The following CFAP77 variants were observed in gnomAD, a reference collection of about 807,000 sequenced individuals.
The protein encoded by CFAP77 is cilia and flagella associated protein 77.
Under a neutral mutation model 31.1 loss-of-function variants are expected in CFAP77, and 25 were observed. That is an observed-to-expected ratio of 0.80 (90% confidence interval 0.59 to 1.12). The LOEUF is 1.12. Among genes scored for constraint, CFAP77 ranks in the 50% most tolerant of loss-of-function variants. The pLI is 0.00. For missense variants in CFAP77, 377 were observed against 397.3 expected (o/e 0.95, Z 0.44); for synonymous variants, 151 against 159.9 (o/e 0.94, Z 0.42).
At chr9:132,435,959 G>T (rs1162631713) in intron 1 of CFAP77, among the ~76,000 whole-genome samples, 2 of 152,160 alleles carry the variant, frequency 1.3e-5, no homozygotes, top group African/African-American at 4.8e-5. Flanking sequence ...GGTCACCAGA[G>T]TGCATTTGCT....
intron 4 of CFAP77, among the ~76,000 whole-genome samples, chr9:132,541,364 C>T (rs1392355016): frequency 6.6e-5 from 10 of 152,184 alleles, no homozygotes; most frequent in Non-Finnish European, 1.3e-4. Context: ...CCTCTAATTC[C>T]GAAGCCTGGC....
At chr9:132,448,299 ACT>A (rs1850763692) in intron 1 of CFAP77, among the ~76,000 whole-genome samples, 1 of 151,834 alleles carries the variant, frequency 6.6e-6, no homozygotes, top group Admixed American at 6.6e-5. Context: ...GAATGGAATG[ACT>A]CTCACATTCA....
intron 5 of CFAP77, among the ~76,000 whole-genome samples, chr9:132,562,650 G>C (rs1265126920): frequency 6.6e-6 from 1 of 152,066 alleles, no homozygotes; most frequent in African/African-American, 2.4e-5. Context: ...GTAGCCACTG[G>C]CCACTCAGGG....
intron 3 of CFAP77, among the ~76,000 whole-genome samples, chr9:132,504,733 T>C (rs1369940177): frequency 6.6e-6 from 1 of 152,196 alleles, no homozygotes; most frequent in Non-Finnish European, 1.5e-5. Flanking sequence ...TCTTCGTAAA[T>C]GGAGGTTAAA....
chr9:132,534,330 C>T (rs1020909375), intron 3 of CFAP77, among the ~76,000 whole-genome samples: 13 of 152,014 alleles, frequency 8.6e-5, no homozygotes, highest in Admixed American at 3.3e-4. Context: ...AGAACTTTTC[C>T]GGCCGGGCAC....
intron 3 of CFAP77, among the ~76,000 whole-genome samples, chr9:132,507,899 T>C (rs535864247): frequency 3.4e-4 from 52 of 152,230 alleles, no homozygotes; most frequent in African/African-American, 1.2e-3. Context: ...GAAATGTACA[T>C]TGCCCCCTGC....
chr9:132,530,749 C>T (rs1488873815), intron 3 of CFAP77, among the ~76,000 whole-genome samples: 3 of 152,170 alleles, frequency 2.0e-5, no homozygotes, highest in Non-Finnish European at 4.4e-5. Context: ...GGATCTCCCA[C>T]AGAGCAAACG....
At chr9:132,559,294 G>A (rs1343931326) in intron 5 of CFAP77, among the ~76,000 whole-genome samples, 4 of 137,838 alleles carry the variant, frequency 2.9e-5, no homozygotes, top group East Asian at 2.2e-4. Flanking sequence ...GCAGTGAGCC[G>A]AGATCGCGCC....
rs890321782 is a variant in CFAP77, at chr9:132,545,408, G to A, written c.732+2361G>A. 2.0e-5 allele frequency among the ~76,000 whole-genome samples: 3 copies of A among 152,102 alleles called. No homozygotes were observed. The highest frequency in any genetic ancestry group is 4.4e-5 in the Non-Finnish European group (3 of 68,018). ...TGTGTCTGATGGCAGGGCCCAAGCC[G>A]AGACACATGACCTATCGGGCCATAA... is the stretch of plus-strand genomic sequence containing the variant. On this transcript the variant is annotated intron_variant, in intron 5 of 5. Transcript: ENST00000393216. The surrounding 1 kb of genome is among the most constrained non-coding windows in gnomAD (Gnocchi z 4.6).
In CFAP77 at chr9:132,572,409, T is replaced by C. The variant is rs764626698; in HGVS notation, c.754T>C (p.Phe252Leu). The change falls in exon 6 of 6, where the codon TTC (phenylalanine) becomes CTC (leucine). Residue 252 changes from phenylalanine to leucine, a missense_variant. Coordinates refer to ENST00000393216, the MANE Select transcript of CFAP77 (RefSeq NM_001282957.2). Reference protein sequence around the residue: ...FQKVGRHLDTFPTEADRQRAL... With the variant: ...FQKVGRHLDTLPTEADRQRAL... Reference sequence around the variant, plus strand: ...ACAGGTGGGCCGCCACCTTGATACGTTCCCCACGGAGGCCGATCGCCAGAG... The same window carrying C: ...ACAGGTGGGCCGCCACCTTGATACGCTCCCCACGGAGGCCGATCGCCAGAG... The C allele has an allele frequency of 6.2e-6, 10 of 1,613,496 alleles. No homozygotes were observed. The highest frequency in any genetic ancestry group is 8.5e-6 in the Non-Finnish European group (10 of 1,180,026).
intron 1 of CFAP77, among the ~76,000 whole-genome samples, chr9:132,485,456 A>G (rs974993706): frequency 6.6e-6 from 1 of 152,114 alleles, no homozygotes; most frequent in Non-Finnish European, 1.5e-5. Flanking sequence ...TAATCACAAA[A>G]CTGTCACGTC....
At chr9:132,466,075 G>A (rs1851146108) in intron 1 of CFAP77, among the ~76,000 whole-genome samples, 1 of 152,188 alleles carries the variant, frequency 6.6e-6, no homozygotes, top group African/African-American at 2.4e-5. Flanking sequence ...ATGTCTAGGG[G>A]TGGGATGCAG....
rs776342221 is a variant in CFAP77, at chr9:132,499,329, T to C, written c.296-43T>C. 6.3e-7 allele frequency: 1 copy of C among 1,587,028 alleles called. No individual in the cohort carries two copies. The highest frequency in any genetic ancestry group is 1.1e-5 in the South Asian group (1 of 90,008). Reference sequence around the variant, plus strand: ...CGATCAGCTGCCTCAGGGTGCTTACTCCCAGGCTGACCACTGCCCCGTGGG... The same window carrying C: ...CGATCAGCTGCCTCAGGGTGCTTACCCCCAGGCTGACCACTGCCCCGTGGG... On this transcript the variant is annotated intron_variant, in intron 2 of 5. Transcript: ENST00000393216. The surrounding 1 kb of genome is among the most constrained non-coding windows in gnomAD (Gnocchi z 5.4).
rs369298668 is a variant in CFAP77 at position 132,492,414 on chromosome 9, AG to A, written c.196-6280del. 8.5e-5 allele frequency among the ~76,000 whole-genome samples: 13 copies of A among 152,298 alleles called. No homozygotes were observed. The South Asian group carries it at 2.1e-3, about 24-fold the overall frequency. ...TTGTGTGGGGCGGAGAAGGCCAGGA[AG>A]TCAAGGCTCACCTGTTCCATATGAG... On this transcript the variant is annotated intron_variant, in intron 1 of 5. Coordinates refer to ENST00000393216, the MANE Select transcript of CFAP77 (RefSeq NM_001282957.2).
chr9:132,487,925 C>T (rs1851589935), intron 1 of CFAP77, among the ~76,000 whole-genome samples: 2 of 152,136 alleles, frequency 1.3e-5, no homozygotes, highest in South Asian at 4.1e-4. Flanking sequence ...TTGTGCTTTT[C>T]ATTCGAGGAT....
In CFAP77 at chr9:132,555,753, C is replaced by A. The variant is rs192988623; in HGVS notation, c.732+12706C>A. Among the ~76,000 whole-genome samples, 223 of 152,278 alleles carry A rather than the reference C, an allele frequency of 1.5e-3. 2 individuals are homozygous for A. The highest frequency in any genetic ancestry group is 5.1e-3 in the African/African-American group (213 of 41,562). On this transcript the variant is annotated intron_variant, in intron 5 of 5. Transcript: ENST00000393216. ...TCCCGCCCTTTCCCTAACACACCCC[C>A]CAGCCCTGTGTGGTCCTGCATGTGT...
At position 132,414,171 on chromosome 9, in the gene CFAP77, C is replaced by T; in HGVS notation, c.195+3705C>T. ...ATAGCAGGCAGTCAAAAAGTGTTCACAGATGAATCAGATCCCAATATCATT... is the reference window on the plus strand; with the variant it reads ...ATAGCAGGCAGTCAAAAAGTGTTCATAGATGAATCAGATCCCAATATCATT... On this transcript the variant is annotated intron_variant, in intron 1 of 5. Transcript: ENST00000393216. Among the ~76,000 whole-genome samples, 2 of 152,340 alleles carry T rather than the reference C, an allele frequency of 1.3e-5. 1 individual carries two copies. Among genetic ancestry groups the T allele is most frequent in the African/African-American group, 4.8e-5 (2 of 41,572 alleles).
intron 1 of CFAP77, among the ~76,000 whole-genome samples, chr9:132,474,511 C>G (rs914903065): frequency 1.3e-5 from 2 of 152,070 alleles, no homozygotes. Flanking sequence ...CAAAGGCCAC[C>G]GTTGGAATGT....
At chr9:132,543,939 G>A (rs79575876) in intron 5 of CFAP77, among the ~76,000 whole-genome samples, 8,538 of 152,268 alleles carry the variant, frequency 0.056, 339 homozygotes, top group Middle Eastern at 0.16. Flanking sequence ...GGATGGGGCC[G>A]GGGGAGGTGC....
Sources: gnomAD v4.1 joint callset for allele counts (sites outside exome capture counted in the v4.1 genomes callset) on GRCh38, gnomAD v4.1.1 for gene constraint, Gnocchi (gnomAD v3.1) non-coding constraint, MANE v1.5 for transcripts, NCBI Gene and HGNC (gene_info 2026-07-23, HGNC 2026-07-21) for gene names.